The following PCDH11Y variants were observed in gnomAD, a reference collection of about 807,000 sequenced individuals.
PCDH11Y encodes protocadherin 11 Y-linked.
For synonymous variants in PCDH11Y, 9 were observed against 83.6 expected (o/e 0.11, Z 4.87); for missense variants, 12 against 224.8 (o/e 0.05, Z 6.05).
chrY:5,494,299 A>G (rs2053341741), intron 2 of PCDH11Y, among the ~76,000 whole-genome samples: 1 of 33,488 alleles, frequency 3.0e-5, no homozygotes. Flanking sequence ...AACATTCACA[A>G]TATTGCTATT....
chrY:5,261,669 G>A (rs1602895391), intron 2 of PCDH11Y, among the ~76,000 whole-genome samples: 1 of 32,631 alleles, frequency 3.1e-5, no homozygotes, highest in African/African-American at 1.2e-4. Flanking sequence ...ATAGGTATAC[G>A]TGTTTCATGG....
exon 1 of PCDH11Y, chrY:5,056,112 T>C: frequency 3.0e-5 from 1 of 32,880 alleles, no homozygotes; most frequent in Admixed American, 2.8e-4. Flanking sequence ...CCTCCAAAGA[T>C]ATGGAATACA....
intron 2 of PCDH11Y, among the ~76,000 whole-genome samples, chrY:5,358,014 A>G (rs2053169874): frequency 3.0e-5 from 1 of 33,154 alleles, no homozygotes; most frequent in Non-Finnish European, 7.4e-5. Context: ...TCGGCTCACC[A>G]CAACCTCTAC....
chrY:5,722,660 CAA>C (rs2053595779), intron 4 of PCDH11Y, among the ~76,000 whole-genome samples: 1 of 28,869 alleles, frequency 3.5e-5, no homozygotes, highest in South Asian at 7.7e-4. Flanking sequence ...AGTGAAATAA[CAA>C]AGAGTCGTAA....
At chrY:5,679,007 C>G in intron 4 of PCDH11Y, among the ~76,000 whole-genome samples, 4 of 32,359 alleles carry the variant, frequency 1.2e-4, no homozygotes, top group South Asian at 7.2e-4. Context: ...CTCAGCAAGC[C>G]TTGCCATCAC....
intron 3 of PCDH11Y, 95 bp from the exon 5 acceptor site, chrY:5,581,680 C>T: frequency 5.8e-6 from 1 of 172,057 alleles, no homozygotes; most frequent in Non-Finnish European, 9.1e-6. Context: ...ATTGCAATAC[C>T]TTACAAATTA....
intron 3 of PCDH11Y, among the ~76,000 whole-genome samples, chrY:5,575,659 A>G: frequency 3.0e-5 from 1 of 33,611 alleles, no homozygotes; most frequent in Non-Finnish European, 7.4e-5. Context: ...TATGCGCACA[A>G]CTCAAAAAGG....
At chrY:5,062,533 G>GA (rs2052677350) in intron 1 of PCDH11Y, among the ~76,000 whole-genome samples, 5 of 32,177 alleles carry the variant, frequency 1.6e-4, no homozygotes, top group Middle Eastern at 0.015. Flanking sequence ...TTCCACTGGG[G>GA]AAAAAATGAC....
chrY:5,635,103 TGAAAAA>T (rs2053516721), intron 4 of PCDH11Y, among the ~76,000 whole-genome samples: 3 of 32,783 alleles, frequency 9.2e-5, no homozygotes, highest in African/African-American at 3.6e-4. Context: ...GTAGGTCAAA[TGAAAAA>T]GAAATTGTTC....
intron 3 of PCDH11Y, among the ~76,000 whole-genome samples, chrY:5,532,179 G>T (rs1602938994): frequency 3.6e-5 from 1 of 27,804 alleles, no homozygotes; most frequent in African/African-American, 1.4e-4. Flanking sequence ...GTTGTATTGG[G>T]TTTTTTTTTT....
At chrY:5,320,003 A>C in intron 2 of PCDH11Y, among the ~76,000 whole-genome samples, 1 of 33,292 alleles carries the variant, frequency 3.0e-5, no homozygotes, top group African/African-American at 1.2e-4. Context: ...ATATTTAATA[A>C]AATGATAATA....
At chrY:5,692,335 T>C in intron 4 of PCDH11Y, among the ~76,000 whole-genome samples, 1 of 32,625 alleles carries the variant, frequency 3.1e-5, no homozygotes, top group Non-Finnish European at 7.5e-5. Flanking sequence ...GAAAGTAGGG[T>C]TCTAGGCCTG....
chrY:5,402,968 G>T (rs2124677238), intron 2 of PCDH11Y, among the ~76,000 whole-genome samples: 5 of 32,690 alleles, frequency 1.5e-4, no homozygotes, highest in Non-Finnish European at 3.8e-4. Flanking sequence ...CAGAGGAAAT[G>T]TATTCAGTAT....
chrY:5,263,090 G>A (rs35683189), intron 2 of PCDH11Y, among the ~76,000 whole-genome samples: 1 of 34,079 alleles, frequency 2.9e-5, no homozygotes, highest in South Asian at 6.6e-4. Flanking sequence ...AGATTTCAGA[G>A]GATGTATGGA....
At chrY:5,698,886 G>A in intron 4 of PCDH11Y, among the ~76,000 whole-genome samples, 1 of 33,540 alleles carries the variant, frequency 3.0e-5, no homozygotes, top group South Asian at 6.7e-4. Flanking sequence ...TTGGAGAGGA[G>A]GCACTGTGGC....
intron 4 of PCDH11Y, among the ~76,000 whole-genome samples, chrY:5,586,396 T>C: frequency 2.4e-4 from 8 of 32,927 alleles, no homozygotes; most frequent in African/African-American, 9.4e-4. Flanking sequence ...GCTCTCAGCT[T>C]AACTGTTGTT....
At chrY:5,505,978 G>A in intron 3 of PCDH11Y, among the ~76,000 whole-genome samples, 1 of 32,186 alleles carries the variant, frequency 3.1e-5, no homozygotes, top group African/African-American at 1.2e-4. Context: ...TAGACTACTG[G>A]TAAAATTAAA....
intron 2 of PCDH11Y, among the ~76,000 whole-genome samples, chrY:5,229,703 G>A: frequency 6.3e-5 from 2 of 31,631 alleles, no homozygotes; most frequent in Admixed American, 3.0e-4. Context: ...TATGTCTTCC[G>A]ATTGGAGAAT....
At chrY:5,071,006 T>A in intron 1 of PCDH11Y, among the ~76,000 whole-genome samples, 1 of 31,083 alleles carries the variant, frequency 3.2e-5, no homozygotes, top group Non-Finnish European at 7.9e-5. Context: ...ATTTCAGAAG[T>A]TAAAAATCCG....
Sources: gnomAD v4.1 joint callset for allele counts (sites outside exome capture counted in the v4.1 genomes callset) on GRCh38, gnomAD v4.1.1 for gene constraint, MANE v1.5 for transcripts, NCBI Gene and HGNC (gene_info 2026-07-23, HGNC 2026-07-21) for gene names.